GRK5: variants seen among roughly 807,000 people sequenced by gnomAD.
GRK5 encodes G protein-coupled receptor kinase 5.
In GRK5, 40 loss-of-function variants were observed where a neutral mutation model predicts 78.4. That is an observed-to-expected ratio of 0.51 (90% CI 0.40 to 0.66). The LOEUF is 0.66. Ranked by LOEUF, GRK5 falls within the 30% of genes least tolerant of loss-of-function variation. The pLI is 0.00. For synonymous variants in GRK5, 289 were observed against 296.8 expected, an observed-to-expected ratio of 0.97 and a Z score of 0.27; for missense variants, 598 against 759.9, an observed-to-expected ratio of 0.79 and a Z score of 2.50.
intron 1 of GRK5, among the ~76,000 whole-genome samples, chr10:119,246,259 T>G (rs1488954182): frequency 1.3e-5 from 2 of 152,122 alleles, no homozygotes; most frequent in African/African-American, 2.4e-5. Context: ...AATCTCTGGA[T>G]TACTTATAAT....
At chr10:119,339,960 G>T (rs949277742) in intron 2 of GRK5, among the ~76,000 whole-genome samples, 2 of 152,148 alleles carry the variant, frequency 1.3e-5, no homozygotes, top group African/African-American at 4.8e-5. Flanking sequence ...AGAGCTAGGG[G>T]CATGAGCTAC....
At chr10:119,373,558 A>G (rs562625014) in intron 2 of GRK5, among the ~76,000 whole-genome samples, 3 of 152,168 alleles carry the variant, frequency 2.0e-5, no homozygotes, top group Non-Finnish European at 4.4e-5. Flanking sequence ...GTCACGTGGA[A>G]CTGTGAGTCA....
rs1849459927 is a variant in GRK5 at position 119,264,453 on chromosome 10, CCTCT to C, written c.52+56490_52+56493del. The stretch of plus-strand genomic sequence containing the variant: ...GGCTCTGCTGCTTTCTGAGTGTTGG[CCTCT>C]CTCTCCTACTACCGCTCATCCTTCT... On this transcript the variant is annotated intron_variant, in intron 1 of 15. Transcript: ENST00000392870. The surrounding 1 kb of genome is among the most constrained non-coding windows in gnomAD (Gnocchi z 4.1). 6.6e-6 allele frequency among the ~76,000 whole-genome samples: 1 copy of C among 152,064 alleles called. No homozygotes were observed. The highest frequency in any genetic ancestry group is 1.5e-5 in the Non-Finnish European group (1 of 68,006).
chr10:119,307,988 C>G (rs963255726), intron 1 of GRK5, among the ~76,000 whole-genome samples: 1 of 152,092 alleles, frequency 6.6e-6, no homozygotes, highest in East Asian at 1.9e-4. Context: ...ACCTGGGGCC[C>G]CAGCCTATAC....
intron 2 of GRK5, among the ~76,000 whole-genome samples, chr10:119,334,165 C>T (rs1383746540): frequency 2.0e-5 from 3 of 152,294 alleles, no homozygotes; most frequent in Non-Finnish European, 2.9e-5. Flanking sequence ...CCTAGGCCAG[C>T]TGCAGCGGCG....
Position 119,336,827 on chromosome 10 carries a change from A to C in GRK5, c.148+10216A>C, listed in dbSNP as rs570381617. ...CTGCTTGTCCTTGGAGGGCGAAATA[A>C]ATTTAGATGTGTCGGGTTTGGAACA... On this transcript the variant is annotated intron_variant, in intron 2 of 15. Coordinates refer to ENST00000392870, the MANE Select transcript of GRK5 (RefSeq NM_005308.3). This position sits in a 1 kb window ranked among gnomAD's most constrained non-coding sequence, Gnocchi z 4.5. 6.6e-6 allele frequency among the ~76,000 whole-genome samples: 1 copy of C among 152,186 alleles called. No individual in the cohort carries two copies. The highest frequency in any genetic ancestry group is 2.4e-5 in the African/African-American group (1 of 41,524).
intron 6 of GRK5, 121 bp downstream of exon 6, chr10:119,425,206 TC>T: frequency 1.5e-6 from 1 of 683,300 alleles, no homozygotes; most frequent in Non-Finnish European, 2.7e-6. Flanking sequence ...TTAACCCGAC[TC>T]CCCCTGTTAA....
chr10:119,371,050 A>G (rs1048738698), intron 2 of GRK5, among the ~76,000 whole-genome samples: 1 of 144,096 alleles, frequency 6.9e-6, no homozygotes, highest in African/African-American at 2.6e-5. Flanking sequence ...TAGCATTTCC[A>G]TTTCCTCAGG....
intron 2 of GRK5, among the ~76,000 whole-genome samples, chr10:119,329,745 A>AAAACAG (rs1564893453): frequency 6.6e-6 from 1 of 152,048 alleles, no homozygotes; most frequent in Non-Finnish European, 1.5e-5. Context: ...AACAAAAACA[A>AAAACAG]AAACAAAAAA....
chr10:119,344,921 CCTTCCTTCCTTCCTT>C (rs1851058564), intron 2 of GRK5, among the ~76,000 whole-genome samples: 25 of 139,358 alleles, frequency 1.8e-4, no homozygotes, highest in African/African-American at 6.8e-4. Context: ...TTCCTTCCTT[CCTTCCTTCCTTCCTT>C]TTCCTCCCTC....
intron 14 of GRK5, 65 bp from the exon 15 acceptor site, chr10:119,453,080 T>G (rs1853323481): frequency 4.6e-6 from 5 of 1,075,830 alleles, no homozygotes; most frequent in South Asian, 3.7e-5. Flanking sequence ...CCCCAGTGGC[T>G]TTGCTGCTGG....
intron 13 of GRK5, among the ~76,000 whole-genome samples, chr10:119,450,494 G>T (rs982264715): frequency 6.6e-6 from 1 of 152,230 alleles, no homozygotes; most frequent in Non-Finnish European, 1.5e-5. Flanking sequence ...GGGAAGATGG[G>T]AGAGTAGCGG....
intron 4 of GRK5, among the ~76,000 whole-genome samples, chr10:119,410,551 C>G (rs1426235565): frequency 6.6e-6 from 1 of 152,176 alleles, no homozygotes; most frequent in African/African-American, 2.4e-5. Flanking sequence ...TGGAACCACC[C>G]CCGACGCTTT....
At chr10:119,323,482 G>T (rs1850621255) in intron 1 of GRK5, among the ~76,000 whole-genome samples, 1 of 152,138 alleles carries the variant, frequency 6.6e-6, no homozygotes, top group South Asian at 2.1e-4. Flanking sequence ...TAGGGTTTAG[G>T]CTGATTTCTT....
intron 4 of GRK5, among the ~76,000 whole-genome samples, chr10:119,400,765 G>A (rs1852136851): frequency 6.6e-6 from 1 of 152,228 alleles, no homozygotes; most frequent in Non-Finnish European, 1.5e-5. Context: ...GGATGAGGAA[G>A]GACTGGAGGC....
intron 2 of GRK5, among the ~76,000 whole-genome samples, chr10:119,345,179 A>C (rs1257654571): frequency 6.6e-6 from 1 of 152,072 alleles, no homozygotes; most frequent in Non-Finnish European, 1.5e-5. Context: ...CGTGTTAGCC[A>C]GGATGGTCTC....
chr10:119,233,626 C>T (rs887159571), intron 1 of GRK5, among the ~76,000 whole-genome samples: 4 of 152,104 alleles, frequency 2.6e-5, no homozygotes, highest in African/African-American at 4.8e-5. Context: ...TGTGACTTGC[C>T]ACTTACAGTC....
chr10:119,338,827 C>T (rs1850936703), intron 2 of GRK5, among the ~76,000 whole-genome samples: 1 of 152,052 alleles, frequency 6.6e-6, no homozygotes, highest in Non-Finnish European at 1.5e-5. Flanking sequence ...AAATGTGAAC[C>T]CAGAATAAAT....
chr10:119,272,244 T>C (rs939817804), intron 1 of GRK5, among the ~76,000 whole-genome samples: 1 of 152,206 alleles, frequency 6.6e-6, no homozygotes, highest in Admixed American at 6.5e-5. Context: ...TGAGCTTGGA[T>C]GTGTTACTTG....
Sources: gnomAD v4.1 joint callset for allele counts (sites outside exome capture counted in the v4.1 genomes callset) on GRCh38, gnomAD v4.1.1 for gene constraint, Gnocchi (gnomAD v3.1) non-coding constraint, MANE v1.5 for transcripts, NCBI Gene and HGNC (gene_info 2026-07-23, HGNC 2026-07-21) for gene names.